The following KCNMA1 variants were observed in gnomAD, a reference collection of about 807,000 sequenced individuals.
KCNMA1 encodes the protein potassium calcium-activated channel subfamily M alpha 1, also known as Calcium-activated potassium channel subunit alpha-1.
In KCNMA1, 29 loss-of-function variants were observed where a neutral mutation model predicts 140.0. The ratio of observed to expected loss-of-function variants is 0.21; its 90% CI spans 0.15 to 0.28. The LOEUF (loss-of-function observed/expected upper bound fraction) is 0.28. Ranked by LOEUF, KCNMA1 falls within the 10% of genes least tolerant of loss-of-function variation. KCNMA1 has a pLI of 1.00. For missense variants in KCNMA1, 880 were observed against 1,602.2 expected (o/e 0.55, Z 7.70); for synonymous variants, 612 against 611.9 (o/e 1.00, Z 0.00).
At chr10:76,977,707 A>T in intron 19 of KCNMA1, 1 of 698,656 alleles carries the variant, frequency 1.4e-6, no homozygotes. Context: ...ATCTGGGGAC[A>T]TTGGGAGGAA....
chr10:77,045,007 G>A (rs182295253), intron 14 of KCNMA1, among the ~76,000 whole-genome samples: 2 of 152,302 alleles, frequency 1.3e-5, no homozygotes, highest in African/African-American at 4.8e-5. Context: ...ATGACTTTAC[G>A]AGACGTCTAG....
intron 5 of KCNMA1, among the ~76,000 whole-genome samples, chr10:77,138,478 C>T (rs1195086841): frequency 6.6e-6 from 1 of 152,130 alleles, no homozygotes; most frequent in Non-Finnish European, 1.5e-5. Flanking sequence ...TCTCCACTGC[C>T]AGAACCATGG....
intron 1 of KCNMA1, chr10:77,636,882 C>T: frequency 2.1e-6 from 3 of 1,427,716 alleles, no homozygotes; most frequent in Non-Finnish European, 2.7e-6. Context: ...GTGAGCGGTG[C>T]AAAACACGCA....
At chr10:76,979,609 C>G (rs1431221171) in intron 19 of KCNMA1, 2 of 152,084 alleles carry the variant, frequency 1.3e-5, no homozygotes, top group African/African-American at 2.4e-5. Flanking sequence ...TATTTAAAGA[C>G]CAGCCTAGAA....
intron 23 of KCNMA1, among the ~76,000 whole-genome samples, chr10:76,941,452 G>A (rs2062376890): frequency 6.6e-6 from 1 of 152,194 alleles, no homozygotes; most frequent in African/African-American, 2.4e-5. Flanking sequence ...TGCAGCCAGA[G>A]GTGAGCTCTG....
chr10:77,335,542 AG>A (rs552700105), intron 2 of KCNMA1, among the ~76,000 whole-genome samples: 109 of 152,318 alleles, frequency 7.2e-4, no homozygotes, highest in Admixed American at 1.6e-3. Flanking sequence ...AGTGAGGCCT[AG>A]GGATGTTTGC....
chr10:77,457,694 G>T (rs1044945580), intron 1 of KCNMA1, among the ~76,000 whole-genome samples: 1 of 152,008 alleles, frequency 6.6e-6, no homozygotes, highest in African/African-American at 2.4e-5. Context: ...TTCCTCTGGG[G>T]TCCCTGGTGG....
chr10:76,905,063 G>A (rs533539052), intron 25 of KCNMA1: 103 of 152,260 alleles, frequency 6.8e-4, no homozygotes, highest in African/African-American at 2.3e-3. Context: ...CAGGAACCCC[G>A]ATTTTATATA....
At chr10:77,236,986 A>G (rs999389778) in intron 3 of KCNMA1, among the ~76,000 whole-genome samples, 16 of 152,186 alleles carry the variant, frequency 1.1e-4, no homozygotes, top group Admixed American at 1.0e-3. Context: ...TTCACAAACC[A>G]TGAATGAGTT....
At chr10:77,583,978 A>G (rs2076537872) in intron 1 of KCNMA1, among the ~76,000 whole-genome samples, 1 of 152,262 alleles carries the variant, frequency 6.6e-6, no homozygotes, top group South Asian at 2.1e-4. Context: ...CACAAGAGAC[A>G]GATTGCAGGG....
chr10:77,086,410 C>T, intron 11 of KCNMA1, 78 bp downstream of exon 11: 2 of 1,039,262 alleles, frequency 1.9e-6, no homozygotes. Context: ...GAGGTGTGTC[C>T]CCTCAGCACA....
At chr10:77,636,838 C>CT in intron 1 of KCNMA1, 1 of 1,431,788 alleles carries the variant, frequency 7.0e-7, no homozygotes, top group South Asian at 1.5e-5. Flanking sequence ...GATGTGCTCC[C>CT]TCTCGCCCAC....
rs766240356 is a variant in KCNMA1, at chr10:77,324,971, C to CTCTCTCTGTGTGTGTG, written c.541-73716_541-73715insCACACACACAGAGAGA. On this transcript the variant is annotated intron_variant, in intron 2 of 27. Coordinates refer to ENST00000286628, the MANE Select transcript of KCNMA1 (RefSeq NM_001161352.2). Reference sequence around the variant, plus strand: ...TCTCTCTCTCTCTCTCTCTCTCTCTCTGTGTGTGTGTGTGTGTGTGTGTGT... The same window carrying CTCTCTCTGTGTGTGTG: ...TCTCTCTCTCTCTCTCTCTCTCTCTCTCTCTCTGTGTGTGTGTGTGTGTGTGTGTGTGTGTGTGTGT... Among the ~76,000 whole-genome samples the CTCTCTCTGTGTGTGTG allele has an allele frequency of 2.0e-3, 181 of 90,440 alleles. 1 individual carries two copies. Among genetic ancestry groups the CTCTCTCTGTGTGTGTG allele is most frequent in the Non-Finnish European group, 3.0e-3 (139 of 46,694 alleles). 59.3% of individuals were successfully genotyped at this position (90,440 alleles called of 152,430 possible).
At chr10:76,960,807 G>A (rs1276642065) in intron 20 of KCNMA1, among the ~76,000 whole-genome samples, 5 of 152,028 alleles carry the variant, frequency 3.3e-5, no homozygotes, top group Admixed American at 6.6e-5. Context: ...GTCCTTTGAA[G>A]CTTTGAAGTC....
chr10:77,522,832 C>G (rs2053952418), intron 1 of KCNMA1, among the ~76,000 whole-genome samples: 4 of 152,184 alleles, frequency 2.6e-5, no homozygotes, highest in Admixed American at 2.6e-4. Flanking sequence ...ACACAGAGAC[C>G]TCTAATTTCC....
At position 76,885,622 on chromosome 10, in the gene KCNMA1, C is replaced by T; in HGVS notation, c.*1644G>A. The T allele has an allele frequency of 6.1e-6, 6 of 985,328 alleles. No individual in the cohort carries two copies. The highest frequency in any genetic ancestry group is 7.2e-6 in the Non-Finnish European group (6 of 829,900). The allele number at this position is 985,328 out of a possible 1,614,324, so 61.0% of individuals were successfully genotyped here. A position where few individuals can be genotyped will look rare whatever the true frequency, so the allele number is the denominator to read the frequency against. The stretch of plus-strand genomic sequence containing the variant: ...CATGTTTTCCTCCTCCCTTTTACCC[C>T]TATTCTATTCGATGGAATTCTTTGA... On this transcript the variant is annotated 3_prime_UTR_variant, in exon 28 of 28. Transcript: ENST00000286628.
intron 3 of KCNMA1, among the ~76,000 whole-genome samples, chr10:77,227,743 T>G (rs1230140735): frequency 6.6e-6 from 1 of 151,966 alleles, no homozygotes; most frequent in East Asian, 1.9e-4. Context: ...TGAACTGAAT[T>G]GTTCACATAA....
chr10:77,123,760 T>C (rs1340858115), intron 5 of KCNMA1, among the ~76,000 whole-genome samples: 1 of 152,142 alleles, frequency 6.6e-6, no homozygotes, highest in African/African-American at 2.4e-5. Flanking sequence ...ATGGCAATAA[T>C]AAAATAGAAC....
At chr10:76,925,373 C>T (rs1323777340) in intron 23 of KCNMA1, among the ~76,000 whole-genome samples, 1 of 152,138 alleles carries the variant, frequency 6.6e-6, no homozygotes, top group Non-Finnish European at 1.5e-5. Flanking sequence ...ATGGGATCTC[C>T]TCTTTCATGA....
Sources: allele counts gnomAD v4.1 joint callset (sites outside exome capture counted in the v4.1 genomes callset), GRCh38; gene constraint gnomAD v4.1.1; transcripts MANE v1.5; gene names NCBI Gene and HGNC (gene_info 2026-07-23, HGNC 2026-07-21).